PDZRN4: variants seen among roughly 807,000 people sequenced by gnomAD.
PDZRN4 encodes the protein PDZ domain-containing RING finger protein 4.
PDZRN4 carries 70 observed loss-of-function variants against 99.0 expected under a neutral mutation model. That is an observed-to-expected ratio of 0.71 (90% CI 0.58 to 0.86). The LOEUF is 0.86. Among genes scored for constraint, PDZRN4 ranks in the 40% least tolerant of loss-of-function variants. The pLI is 0.00. For synonymous variants in PDZRN4, 551 were observed against 501.6 expected (o/e 1.10, Z -1.32); for missense variants, 1,474 against 1,331.2 (o/e 1.11, Z -1.67).
At chr12:41,214,729 G>C (rs993241062) in intron 3 of PDZRN4, among the ~76,000 whole-genome samples, 1 of 151,784 alleles carries the variant, frequency 6.6e-6, no homozygotes, top group Non-Finnish European at 1.5e-5. Context: ...GGAGATTAGG[G>C]CTTAGAGAAA....
chr12:41,306,542 C>T (rs1036971900), intron 3 of PDZRN4, among the ~76,000 whole-genome samples: 3 of 152,186 alleles, frequency 2.0e-5, no homozygotes, highest in African/African-American at 7.2e-5. Context: ...TAGTTCACAA[C>T]TCTACTAATC....
At chr12:41,280,932 G>C (rs1441034806) in intron 3 of PDZRN4, among the ~76,000 whole-genome samples, 3 of 152,170 alleles carry the variant, frequency 2.0e-5, no homozygotes, top group Admixed American at 2.0e-4. Context: ...ACACCTCCCA[G>C]CAGGGTTTGA....
chr12:41,514,476 C>T (rs550557138), intron 5 of PDZRN4, among the ~76,000 whole-genome samples: 3 of 151,964 alleles, frequency 2.0e-5, no homozygotes, highest in East Asian at 1.9e-4. Flanking sequence ...ATTTTTTGAG[C>T]AACTTCATGA....
intron 3 of PDZRN4, among the ~76,000 whole-genome samples, chr12:41,365,636 T>A (rs1298983548): frequency 1.3e-5 from 2 of 152,068 alleles, no homozygotes. Context: ...ATTCTCAAGA[T>A]TATCAACATA....
chr12:41,518,363 G>A (rs1249908734), intron 5 of PDZRN4, among the ~76,000 whole-genome samples: 3 of 151,994 alleles, frequency 2.0e-5, no homozygotes, highest in Non-Finnish European at 4.4e-5. Flanking sequence ...TTTATATTTT[G>A]TGTGTGTTTT....
chr12:41,536,402 A>C (rs1938749003), intron 5 of PDZRN4, among the ~76,000 whole-genome samples: 1 of 152,188 alleles, frequency 6.6e-6, no homozygotes, highest in Admixed American at 6.5e-5. Context: ...TAAAAAGATC[A>C]GTGGTTTTCA....
chr12:41,418,676 G>A (rs376810062), intron 3 of PDZRN4, among the ~76,000 whole-genome samples: 1 of 152,152 alleles, frequency 6.6e-6, no homozygotes, highest in Admixed American at 6.6e-5. Context: ...AGAGTTTGTT[G>A]TTATGTAAAA....
intron 3 of PDZRN4, among the ~76,000 whole-genome samples, chr12:41,376,079 AT>A (rs562947276): frequency 6.6e-6 from 1 of 151,822 alleles, no homozygotes; most frequent in Non-Finnish European, 1.5e-5. Flanking sequence ...GGATTTCCTT[AT>A]TTTTTTCCTT....
At chr12:41,323,922 T>C (rs985993825) in intron 3 of PDZRN4, among the ~76,000 whole-genome samples, 1 of 152,032 alleles carries the variant, frequency 6.6e-6, no homozygotes, top group Non-Finnish European at 1.5e-5. Flanking sequence ...TATAAAGATA[T>C]AATCCAAAAC....
chr12:41,402,952 T>A (rs1952314792), intron 3 of PDZRN4, among the ~76,000 whole-genome samples: 1 of 151,982 alleles, frequency 6.6e-6, no homozygotes, highest in Non-Finnish European at 1.5e-5. Context: ...GGAATTGATA[T>A]ATTTCATGAT....
intron 3 of PDZRN4, among the ~76,000 whole-genome samples, chr12:41,277,564 T>C (rs1271152691): frequency 6.6e-6 from 1 of 152,232 alleles, no homozygotes; most frequent in Non-Finnish European, 1.5e-5. Flanking sequence ...ACGCTCACTG[T>C]GGTGATAGCT....
At chr12:41,337,481 T>A (rs1918220) in intron 3 of PDZRN4, among the ~76,000 whole-genome samples, 58,331 of 151,814 alleles carry the variant, frequency 0.38, 11,271 homozygotes, top group African/African-American at 0.4. Flanking sequence ...GGATGGGACC[T>A]CCAACCTTGC....
chr12:41,347,306 A>G (rs1425026284), intron 3 of PDZRN4, among the ~76,000 whole-genome samples: 1 of 152,096 alleles, frequency 6.6e-6, no homozygotes, highest in Admixed American at 6.6e-5. Context: ...TTTCTTCAGC[A>G]CTTCCTATTG....
chr12:41,573,933 A>AC lies in PDZRN4; in HGVS notation c.*45dup. On this transcript the variant is annotated 3_prime_UTR_variant, in exon 10 of 10. Coordinates refer to ENST00000402685, the MANE Select transcript of PDZRN4 (RefSeq NM_001164595.2). ...ATGCGACTGATTTTAGGAGGATGCT[A>AC]CCAGTTTCGGTAGAGTATGATTGCC... 2.2e-6 allele frequency: 3 copies of AC among 1,381,238 alleles called. No homozygotes were observed. The South Asian group carries it at 4.6e-5, about 21-fold the overall frequency. 85.6% of individuals were successfully genotyped at this position (1,381,238 alleles called of 1,614,324 possible). A position where few individuals can be genotyped will look rare whatever the true frequency, so the allele number is the denominator to read the frequency against.
intron 3 of PDZRN4, among the ~76,000 whole-genome samples, chr12:41,469,715 A>G (rs1469326939): frequency 6.6e-6 from 1 of 152,096 alleles, no homozygotes; most frequent in African/African-American, 2.4e-5. Context: ...GCCGATCACG[A>G]GGTCAGGAGA....
intron 5 of PDZRN4, among the ~76,000 whole-genome samples, chr12:41,529,895 C>G (rs1938631126): frequency 6.6e-6 from 1 of 152,186 alleles, no homozygotes; most frequent in African/African-American, 2.4e-5. Context: ...GATGCCCACT[C>G]TCTTTCCTTC....
chr12:41,442,659 C>A (rs1952689044), intron 3 of PDZRN4, among the ~76,000 whole-genome samples: 1 of 152,166 alleles, frequency 6.6e-6, no homozygotes, highest in Non-Finnish European at 1.5e-5. Flanking sequence ...CAGGGACAAG[C>A]ACCTTGTGCA....
intron 3 of PDZRN4, among the ~76,000 whole-genome samples, chr12:41,241,287 CA>C (rs1177391732): frequency 1.3e-5 from 2 of 152,102 alleles, no homozygotes; most frequent in Non-Finnish European, 2.9e-5. Context: ...TCAATCTGTG[CA>C]GATAAAGGAT....
intron 4 of PDZRN4, among the ~76,000 whole-genome samples, chr12:41,508,927 A>G (rs1366780117): frequency 6.6e-6 from 1 of 152,146 alleles, no homozygotes; most frequent in Admixed American, 6.6e-5. Flanking sequence ...CAACTTGTCA[A>G]TTGTATTTAG....
Sources: gnomAD v4.1 joint callset for allele counts (sites outside exome capture counted in the v4.1 genomes callset) on GRCh38, gnomAD v4.1.1 for gene constraint, MANE v1.5 for transcripts, NCBI Gene and HGNC (gene_info 2026-07-23, HGNC 2026-07-21) for gene names.